The following LRP1B variants were observed in gnomAD, a reference collection of about 807,000 sequenced individuals.
LRP1B encodes LDL receptor related protein 1B.
A neutral mutation model predicts 556.6 loss-of-function variants in LRP1B; 217 were observed. The ratio of observed to expected loss-of-function variants is 0.39; its 90% CI spans 0.35 to 0.44. The LOEUF is 0.44. LRP1B is among the 20% of genes least tolerant of loss of function. LRP1B has a pLI of 1.00. For synonymous variants in LRP1B, 2,047 were observed against 1,865.8 expected (o/e 1.10, Z -2.50); for missense variants, 5,053 against 5,620.8 (o/e 0.90, Z 3.23).
chr2:140,606,025 A>AAG (rs541895855), intron 41 of LRP1B, among the ~76,000 whole-genome samples: 19 of 150,952 alleles, frequency 1.3e-4, no homozygotes, highest in Admixed American at 4.0e-4. Context: ...GGGTGGGGTA[A>AAG]AGAGAGAGAG....
chr2:142,085,851 G>C (rs546346225), intron 1 of LRP1B, among the ~76,000 whole-genome samples: 2 of 152,208 alleles, frequency 1.3e-5, no homozygotes, highest in East Asian at 1.9e-4. Flanking sequence ...GTGATTGAAC[G>C]CTTATCCAGG....
At chr2:141,536,062 A>T (rs1215522496) in intron 2 of LRP1B, among the ~76,000 whole-genome samples, 2 of 152,144 alleles carry the variant, frequency 1.3e-5, no homozygotes, top group Non-Finnish European at 1.5e-5. Flanking sequence ...CAGTGTAATC[A>T]GACTTCTTTA....
At chr2:140,412,211 A>G (rs1307177628) in intron 66 of LRP1B, among the ~76,000 whole-genome samples, 1 of 152,086 alleles carries the variant, frequency 6.6e-6, no homozygotes, top group African/African-American at 2.4e-5. Flanking sequence ...AATTCAACAA[A>G]TGAATTTCAA....
At chr2:141,129,082 A>T (rs1269834798) in intron 7 of LRP1B, among the ~76,000 whole-genome samples, 2 of 152,190 alleles carry the variant, frequency 1.3e-5, no homozygotes, top group African/African-American at 2.4e-5. Context: ...AGTAACCAGA[A>T]ATGGAAATTT....
intron 2 of LRP1B, among the ~76,000 whole-genome samples, chr2:141,554,216 C>T (rs1259009765): frequency 7.0e-6 from 1 of 143,302 alleles, no homozygotes; most frequent in Non-Finnish European, 1.5e-5. Context: ...TAGGAATAGA[C>T]CTAGATATAG....
chr2:142,088,276 TTAAA>T (rs1706020360), intron 1 of LRP1B, among the ~76,000 whole-genome samples: 1 of 152,194 alleles, frequency 6.6e-6, no homozygotes, highest in African/African-American at 2.4e-5. Context: ...CATAATTACA[TTAAA>T]TAGTTATTTC....
At chr2:141,461,977 A>G (rs62168036) in intron 3 of LRP1B, among the ~76,000 whole-genome samples, 8,162 of 152,270 alleles carry the variant, frequency 0.054, 271 homozygotes, top group Non-Finnish European at 0.067. Flanking sequence ...AAGCACAAAA[A>G]TGTAATGTTC....
chr2:141,492,088 A>AC (rs1683355753), intron 2 of LRP1B, among the ~76,000 whole-genome samples: 1 of 133,592 alleles, frequency 7.5e-6, no homozygotes, highest in African/African-American at 2.7e-5. Flanking sequence ...TGAAAAAAAA[A>AC]AAACACTAAG....
At chr2:141,498,542 A>G (rs1683600679) in intron 2 of LRP1B, among the ~76,000 whole-genome samples, 1 of 151,928 alleles carries the variant, frequency 6.6e-6, no homozygotes, top group South Asian at 2.1e-4. Context: ...GTACCCTTTT[A>G]TAATGTTCAC....
intron 1 of LRP1B, among the ~76,000 whole-genome samples, chr2:142,129,429 T>C (rs142658139): frequency 1.3e-5 from 2 of 152,228 alleles, no homozygotes; most frequent in Non-Finnish European, 1.5e-5. Context: ...GCAGGTTGAA[T>C]AGAAACACTG....
At chr2:140,324,302 A>G (rs974623696) in intron 80 of LRP1B, among the ~76,000 whole-genome samples, 2 of 151,994 alleles carry the variant, frequency 1.3e-5, no homozygotes, top group African/African-American at 4.8e-5. Context: ...TCATCATTTA[A>G]CCATCTTTAC....
intron 2 of LRP1B, among the ~76,000 whole-genome samples, chr2:141,725,579 G>A (rs72983862): frequency 0.11 from 16,351 of 151,634 alleles, 1,678 homozygotes; most frequent in African/African-American, 0.27. Context: ...AATTTGGGAA[G>A]GATTTTTTAA....
intron 25 of LRP1B, among the ~76,000 whole-genome samples, chr2:140,875,796 A>T (rs561058307): frequency 6.6e-6 from 1 of 152,228 alleles, no homozygotes; most frequent in South Asian, 2.1e-4. Flanking sequence ...CTGTATTTGT[A>T]TATGTTATTG....
chr2:142,061,920 A>G (rs989819636), intron 1 of LRP1B, among the ~76,000 whole-genome samples: 3 of 151,910 alleles, frequency 2.0e-5, no homozygotes, highest in African/African-American at 4.8e-5. Context: ...ATCTTGATCA[A>G]CTTGTACCCT....
At chr2:140,696,928 T>A (rs529619267) in intron 41 of LRP1B, among the ~76,000 whole-genome samples, 1 of 152,300 alleles carries the variant, frequency 6.6e-6, no homozygotes, top group African/African-American at 2.4e-5. Context: ...AATTTTATAT[T>A]AAAATCATGC....
chr2:141,773,754 C>A lies in LRP1B; in HGVS notation c.205+36525G>T, dbSNP rs139971505. ...TTGAGGAAAACAAAACAAAACAAAACAACCTACATCTATAGAGGAAAAGGT... is the reference window on the plus strand; with the variant it reads ...TTGAGGAAAACAAAACAAAACAAAAAAACCTACATCTATAGAGGAAAAGGT... On this transcript the variant is annotated intron_variant, in intron 2 of 90. Coordinates refer to ENST00000389484, the MANE Select transcript of LRP1B (RefSeq NM_018557.3). 2.3e-3 allele frequency among the ~76,000 whole-genome samples: 357 copies of A among 152,308 alleles called. 1 individual carries two copies. Among genetic ancestry groups the A allele is most frequent in the African/African-American group, 8.3e-3 (344 of 41,564 alleles).
At chr2:141,557,821 C>T (rs534750904) in intron 2 of LRP1B, among the ~76,000 whole-genome samples, 1 of 152,004 alleles carries the variant, frequency 6.6e-6, no homozygotes, top group South Asian at 2.1e-4. Context: ...GTAGCTGTGT[C>T]TATACCATAA....
chr2:141,308,985 G>A (rs750406843), intron 3 of LRP1B, among the ~76,000 whole-genome samples: 1 of 152,088 alleles, frequency 6.6e-6, no homozygotes, highest in African/African-American at 2.4e-5. Flanking sequence ...GGATTAAAAA[G>A]AGCAGGTGTT....
At chr2:141,546,466 C>T (rs1685557735) in intron 2 of LRP1B, among the ~76,000 whole-genome samples, 1 of 152,132 alleles carries the variant, frequency 6.6e-6, no homozygotes, top group African/African-American at 2.4e-5. Flanking sequence ...TCATGGGTCC[C>T]ATCTTCTCGT....
Sources: allele counts gnomAD v4.1 joint callset (sites outside exome capture counted in the v4.1 genomes callset), GRCh38; gene constraint gnomAD v4.1.1; transcripts MANE v1.5; gene names NCBI Gene and HGNC (gene_info 2026-07-23, HGNC 2026-07-21).